ARNT2: variants seen among roughly 807,000 people sequenced by gnomAD.
The protein encoded by ARNT2 is ARNT protein 2.
Under a neutral mutation model 91.7 loss-of-function variants are expected in ARNT2, and 36 were observed. That is an observed-to-expected ratio of 0.39 (90% CI 0.30 to 0.52). The LOEUF (loss-of-function observed/expected upper bound fraction) is 0.52, where lower values mean the gene tolerates loss of function less well. Among genes scored for constraint, ARNT2 ranks in the 20% least tolerant of loss-of-function variants. ARNT2 has a pLI of 0.72. For synonymous variants in ARNT2, 365 were observed against 347.1 expected (o/e 1.05, Z -0.57); for missense variants, 775 against 939.3 (o/e 0.83, Z 2.29).
At chr15:80,562,047 A>C (rs1460291254) in intron 11 of ARNT2, among the ~76,000 whole-genome samples, 1 of 150,966 alleles carries the variant, frequency 6.6e-6, no homozygotes, top group Non-Finnish European at 1.5e-5. Context: ...ATAAGGGGGC[A>C]CTGCTATATA....
At chr15:80,526,044 T>C (rs1320399331) in intron 8 of ARNT2, among the ~76,000 whole-genome samples, 2 of 152,202 alleles carry the variant, frequency 1.3e-5, no homozygotes, top group African/African-American at 4.8e-5. Flanking sequence ...TGCTTATACC[T>C]GAGAGGGTTA....
intron 8 of ARNT2, among the ~76,000 whole-genome samples, chr15:80,526,084 T>A (rs1335273541): frequency 6.6e-6 from 1 of 152,250 alleles, no homozygotes; most frequent in Admixed American, 6.5e-5. Context: ...TTCTCCTCCC[T>A]GCCGACTCCC....
At chr15:80,552,910 G>C in intron 10 of ARNT2, 136 bp downstream of exon 10, 1 of 1,085,938 alleles carries the variant, frequency 9.2e-7, no homozygotes, top group Non-Finnish European at 1.3e-6. Flanking sequence ...TGCCTAGATA[G>C]AACGATAGAT....
At chr15:80,421,758 G>A (rs1463644527) in intron 1 of ARNT2, among the ~76,000 whole-genome samples, 1 of 152,096 alleles carries the variant, frequency 6.6e-6, no homozygotes, top group Non-Finnish European at 1.5e-5. Context: ...ACGACACCTT[G>A]GGCCTTATGC....
intron 1 of ARNT2, among the ~76,000 whole-genome samples, chr15:80,443,739 G>A (rs548343039): frequency 1.3e-5 from 2 of 152,360 alleles, no homozygotes; most frequent in South Asian, 4.1e-4. Context: ...GCTTGAGACA[G>A]AGCAGGGGGC....
chr15:80,472,158 G>T (rs1354938341), intron 4 of ARNT2, among the ~76,000 whole-genome samples: 1 of 152,144 alleles, frequency 6.6e-6, no homozygotes, highest in Non-Finnish European at 1.5e-5. Context: ...AGGGCATGCA[G>T]TTAGGAAATG....
intron 12 of ARNT2, among the ~76,000 whole-genome samples, chr15:80,570,211 A>G (rs971784151): frequency 6.6e-6 from 1 of 152,210 alleles, no homozygotes; most frequent in Non-Finnish European, 1.5e-5. Flanking sequence ...TACCCTTTAC[A>G]CATCAATTAC....
chr15:80,540,908 C>G (rs1351589834), intron 8 of ARNT2, among the ~76,000 whole-genome samples: 1 of 152,036 alleles, frequency 6.6e-6, no homozygotes, highest in Non-Finnish European at 1.5e-5. Flanking sequence ...AGATGGGCAC[C>G]TAGATTGATT....
In ARNT2 at chr15:80,508,031, A is replaced by G. The variant is rs1018171617; in HGVS notation, c.623-125A>G. ...GAATGTTGGGAATTCCAAGACACAA[A>G]CAATTTGCACAGCCACACTTGTCCT... On this transcript the variant is annotated intron_variant, in intron 5 of 18. Coordinates refer to ENST00000303329, the MANE Select transcript of ARNT2 (RefSeq NM_014862.4). 1.1e-5 allele frequency: 9 copies of G among 832,664 alleles called. No individual in the cohort carries two copies. In the African/African-American group the frequency reaches 1.2e-4, roughly 11 times the overall value. 51.6% of individuals were successfully genotyped at this position (832,664 alleles called of 1,614,324 possible).
intron 5 of ARNT2, among the ~76,000 whole-genome samples, chr15:80,489,072 C>G (rs1897017727): frequency 6.6e-6 from 1 of 152,208 alleles, no homozygotes; most frequent in Admixed American, 6.5e-5. Context: ...ATCATTGCTT[C>G]TTGCTGGTAT....
chr15:80,406,060 G>A (rs1037613814), intron 1 of ARNT2, among the ~76,000 whole-genome samples: 2 of 152,172 alleles, frequency 1.3e-5, no homozygotes, highest in Non-Finnish European at 1.5e-5. Context: ...GCAGGTGCTG[G>A]GGAGGCCAGA....
intron 8 of ARNT2, among the ~76,000 whole-genome samples, chr15:80,527,446 A>T (rs138803285): frequency 2.0e-5 from 3 of 152,340 alleles, no homozygotes; most frequent in African/African-American, 7.2e-5. Flanking sequence ...AGAGAGTAAC[A>T]TTTGAGCTGA....
At chr15:80,428,353 A>G (rs557862340) in intron 1 of ARNT2, among the ~76,000 whole-genome samples, 1 of 152,362 alleles carries the variant, frequency 6.6e-6, no homozygotes, top group Admixed American at 6.5e-5. Flanking sequence ...TATGTGGTGC[A>G]TAATTTACAG....
At chr15:80,579,087 A>G (rs746723064) in intron 15 of ARNT2, among the ~76,000 whole-genome samples, 12 of 152,182 alleles carry the variant, frequency 7.9e-5, no homozygotes, top group Non-Finnish European at 1.5e-4. Flanking sequence ...GGCTGTGCAC[A>G]AGGGCTGGCG....
intron 8 of ARNT2, among the ~76,000 whole-genome samples, chr15:80,524,351 A>G (rs377241162): frequency 2.6e-5 from 4 of 152,352 alleles, no homozygotes; most frequent in African/African-American, 9.6e-5. Context: ...AGTGTGTATT[A>G]AATATCTTAA....
chr15:80,454,698 A>G (rs1218029956), intron 2 of ARNT2, among the ~76,000 whole-genome samples: 1 of 152,214 alleles, frequency 6.6e-6, no homozygotes, highest in East Asian at 1.9e-4. Context: ...TCACTCCTTT[A>G]CTGTCACTGT....
intron 4 of ARNT2, among the ~76,000 whole-genome samples, chr15:80,473,439 C>T (rs1896760900): frequency 6.6e-6 from 1 of 152,170 alleles, no homozygotes; most frequent in South Asian, 2.1e-4. Context: ...ATTCAGTCTC[C>T]ACTTCCTCTC....
intron 4 of ARNT2, among the ~76,000 whole-genome samples, chr15:80,471,532 A>G (rs897614426): frequency 6.6e-6 from 1 of 152,178 alleles, no homozygotes; most frequent in Middle Eastern, 3.2e-3. Context: ...GTACCCCTGA[A>G]AAAAGTTAAA....
chr15:80,408,466 A>C (rs1162138605), intron 1 of ARNT2, among the ~76,000 whole-genome samples: 6 of 152,150 alleles, frequency 3.9e-5, no homozygotes, highest in Non-Finnish European at 8.8e-5. Context: ...GAATTTAGGA[A>C]TGGTCATTTT....
Sources: allele counts gnomAD v4.1 joint callset (sites outside exome capture counted in the v4.1 genomes callset), GRCh38; gene constraint gnomAD v4.1.1; transcripts MANE v1.5; gene names NCBI Gene and HGNC (gene_info 2026-07-23, HGNC 2026-07-21).